STARD13: variants seen among roughly 807,000 people sequenced by gnomAD.
STARD13 encodes the protein stAR-related lipid transfer protein 13.
A neutral mutation model predicts 106.4 loss-of-function variants in STARD13; 62 were observed. That is an observed-to-expected ratio of 0.58 (90% CI 0.48 to 0.72). The LOEUF (loss-of-function observed/expected upper bound fraction) is 0.72. Ranked by LOEUF, STARD13 falls within the 30% of genes least tolerant of loss-of-function variation. STARD13 has a pLI of 0.00. For synonymous variants in STARD13, 565 were observed against 553.0 expected, an observed-to-expected ratio of 1.02 and a Z score of -0.31; for missense variants, 1,387 against 1,424.0, an observed-to-expected ratio of 0.97 and a Z score of 0.42.
chr13:33,667,331 C>G, the STARD13 span, among the ~76,000 whole-genome samples: 194 of 152,308 alleles, frequency 1.3e-3, no homozygotes, highest in African/African-American at 4.4e-3. Context: ...AATAGAATGC[C>G]TATGTGGTTT....
chr13:33,185,882 G>T (rs149391846), intron 1 of STARD13: 68 of 1,613,898 alleles, frequency 4.2e-5, no homozygotes, highest in Non-Finnish European at 5.7e-5. Flanking sequence ...ACTTACCCCG[G>T]CGCTGGAATG....
At chr13:33,149,903 C>A (rs1417995717) in intron 3 of STARD13, among the ~76,000 whole-genome samples, 2 of 152,212 alleles carry the variant, frequency 1.3e-5, no homozygotes, top group African/African-American at 4.8e-5. Context: ...CCAGTATCTG[C>A]TTCCCTTTAA....
the STARD13 span, among the ~76,000 whole-genome samples, chr13:33,399,401 T>A: frequency 6.6e-6 from 1 of 152,050 alleles, no homozygotes; most frequent in Non-Finnish European, 1.5e-5. Flanking sequence ...CAGTTTAATC[T>A]CTAAAGCATT....
intron 8 of STARD13, among the ~76,000 whole-genome samples, chr13:33,113,984 G>A (rs559110046): frequency 1.3e-5 from 2 of 152,302 alleles, no homozygotes; most frequent in African/African-American, 4.8e-5. Flanking sequence ...GCCTCCACAC[G>A]AGGGTGTCTG....
chr13:33,334,349 C>T (rs1412822666), intron 1 of STARD13, among the ~76,000 whole-genome samples: 1 of 152,122 alleles, frequency 6.6e-6, no homozygotes, highest in East Asian at 1.9e-4. Context: ...AAATACTCAG[C>T]AGAGTGGATG....
At chr13:33,382,451 G>T in the STARD13 span, among the ~76,000 whole-genome samples, 1 of 152,054 alleles carries the variant, frequency 6.6e-6, no homozygotes, top group Non-Finnish European at 1.5e-5. Context: ...ACTTAGCATT[G>T]ATATCATCTG....
At chr13:33,621,956 C>A in the STARD13 span, among the ~76,000 whole-genome samples, 1 of 151,560 alleles carries the variant, frequency 6.6e-6, no homozygotes, top group South Asian at 2.1e-4. Flanking sequence ...AGGTGCCCAC[C>A]ACCACGCCCG....
At chr13:33,276,405 G>A (rs1474966597) in intron 1 of STARD13, among the ~76,000 whole-genome samples, 1 of 152,166 alleles carries the variant, frequency 6.6e-6, no homozygotes, top group Non-Finnish European at 1.5e-5. Context: ...TCTCAAATAA[G>A]AACTCCGTCT....
intron 1 of STARD13, among the ~76,000 whole-genome samples, chr13:33,325,911 G>C (rs1259423089): frequency 6.6e-6 from 1 of 150,816 alleles, no homozygotes; most frequent in East Asian, 1.9e-4. Flanking sequence ...CGTGAACCCG[G>C]GAGGCGGAGC....
chr13:33,451,519 T>G, the STARD13 span, among the ~76,000 whole-genome samples: 49 of 152,172 alleles, frequency 3.2e-4, no homozygotes, highest in African/African-American at 1.1e-3. Flanking sequence ...CTGGTTCATG[T>G]TGACAAAGGG....
At chr13:33,270,831 A>C (rs1208732515) in intron 1 of STARD13, among the ~76,000 whole-genome samples, 1 of 152,188 alleles carries the variant, frequency 6.6e-6, no homozygotes, top group Admixed American at 6.5e-5. Context: ...CTTATAATGG[A>C]GAAGCAACAC....
At chr13:33,127,347 C>G in intron 6 of STARD13, 26 bp downstream of exon 6, 1 of 1,529,860 alleles carries the variant, frequency 6.5e-7, no homozygotes, top group African/African-American at 1.4e-5. Flanking sequence ...GCCAAGGATC[C>G]CCTCCTAGGT....
upstream of STARD13, among the ~76,000 whole-genome samples, chr13:33,354,892 T>C (rs1316426557): frequency 6.6e-6 from 1 of 152,012 alleles, no homozygotes; most frequent in South Asian, 2.1e-4. Context: ...TTTTTATTTT[T>C]TTCCTTGCAT....
intron 5 of STARD13, 47 bp from the exon 6 acceptor site, chr13:33,127,593 G>A (rs757248232): frequency 5.8e-5 from 87 of 1,496,548 alleles, no homozygotes; most frequent in Non-Finnish European, 7.4e-5. Flanking sequence ...AGTGGACTTG[G>A]TAGCGGGAAA....
At chr13:33,303,564 T>C (rs541487229) in intron 1 of STARD13, among the ~76,000 whole-genome samples, 2 of 152,194 alleles carry the variant, frequency 1.3e-5, no homozygotes, top group Non-Finnish European at 2.9e-5. Flanking sequence ...ACAGATGATG[T>C]AACAAGTACT....
chr13:33,444,816 C>A, the STARD13 span, among the ~76,000 whole-genome samples: 2 of 152,204 alleles, frequency 1.3e-5, no homozygotes, highest in East Asian at 3.9e-4. Flanking sequence ...AAGTCATTTG[C>A]CTCATTTGCT....
intron 1 of STARD13, among the ~76,000 whole-genome samples, chr13:33,226,196 G>T (rs546279316): frequency 1.8e-3 from 271 of 152,362 alleles, no homozygotes; most frequent in Middle Eastern, 6.8e-3. Context: ...AAGCCACTCA[G>T]TCTATGGCAT....
At position 33,129,338 on chromosome 13, in the gene STARD13, T is replaced by C; in HGVS notation, c.1339A>G (p.Met447Val). 2 of 1,614,146 alleles carry C rather than the reference T, an allele frequency of 1.2e-6. No individual in the cohort carries two copies. Among genetic ancestry groups the C allele is most frequent in the Non-Finnish European group, 8.5e-7 (1 of 1,180,028 alleles). ...CGGCTGGCTCTGTGGCAGGACGCCA[T>C]GAGCCGGGGCTCCCTGGCACCAGGG... ...QVPGAREPRL[M>V]ASCHRASRVS... is the part of the protein sequence containing the mutation. Residue 447 changes from methionine to valine, a missense_variant, in exon 5 of 14, where the codon ATG (methionine) becomes GTG (valine). Physicochemically the swap from Met to Val is conservative, Grantham distance 21. Transcript: ENST00000336934.
rs140424193 is a variant in STARD13, at chr13:33,321,002, A to G, written c.124+29288T>C. 3.9e-5 allele frequency among the ~76,000 whole-genome samples: 6 copies of G among 152,348 alleles called. No homozygotes were observed. The East Asian group carries it at 9.6e-4, about 24-fold the overall frequency. ...TAATTTCTAGATTTCAGAGACTATT[A>G]TAAGTCACACAGTCAACTTTATGGA... On this transcript the variant is annotated intron_variant, in intron 1 of 5. Coordinates refer to the STARD13 transcript ENST00000567873.
Sources: gnomAD v4.1 joint callset for allele counts (sites outside exome capture counted in the v4.1 genomes callset) on GRCh38, gnomAD v4.1.1 for gene constraint, MANE v1.5 for transcripts, NCBI Gene and HGNC (gene_info 2026-07-23, HGNC 2026-07-21) for gene names.